RHPN2: variants seen among roughly 807,000 people sequenced by gnomAD.
RHPN2 encodes rhophilin Rho GTPase binding protein 2, also known as rhophilin-2.
A neutral mutation model predicts 79.0 loss-of-function variants in RHPN2; 40 were observed. That is an observed-to-expected ratio of 0.51 (90% CI 0.39 to 0.66). The LOEUF is 0.66. Ranked by LOEUF, RHPN2 falls within the 30% of genes least tolerant of loss-of-function variation. The pLI is 0.00. For synonymous variants in RHPN2, 285 were observed against 363.5 expected, an observed-to-expected ratio of 0.78 and a Z score of 2.46; for missense variants, 686 against 883.5, an observed-to-expected ratio of 0.78 and a Z score of 2.83.
rs1328250188 is a variant in RHPN2 at position 32,980,164 on chromosome 19, G to T, written c.1893C>A (p.Thr631=). 3.7e-6 allele frequency: 6 copies of T among 1,613,902 alleles called. No individual in the cohort carries two copies. The highest frequency in any genetic ancestry group is 2.2e-5 in the East Asian group (1 of 44,886). Residue 631 remains threonine (T), a synonymous_variant, in exon 15 of 15, where the codon ACC becomes ACA. Coordinates refer to ENST00000254260, the MANE Select transcript of RHPN2 (RefSeq NM_033103.5). ...AIDDDDKTDK[T]KKISKKLSFL... ...AGGAAAGCTTCTTGGAGATTTTCTT[G>T]GTTTTATCAGTTTTGTCGTCATCAT...
chr19:33,046,071 A>C (rs1972140301), intron 1 of RHPN2, among the ~76,000 whole-genome samples: 1 of 150,248 alleles, frequency 6.7e-6, no homozygotes, highest in Non-Finnish European at 1.5e-5. Flanking sequence ...ACATAGATAC[A>C]CCACACTTGT....
chr19:33,058,220 A>G (rs1320179244), intron 1 of RHPN2, among the ~76,000 whole-genome samples: 2 of 152,164 alleles, frequency 1.3e-5, no homozygotes, highest in Non-Finnish European at 2.9e-5. Context: ...CATCCCAACA[A>G]AGCACCAATT....
chr19:33,063,295 A>G (rs1308660766), intron 1 of RHPN2, among the ~76,000 whole-genome samples: 1 of 152,006 alleles, frequency 6.6e-6, no homozygotes, highest in Non-Finnish European at 1.5e-5. Flanking sequence ...TGCTAAAAGC[A>G]ACTTCACAAA....
At chr19:33,042,407 A>G (rs983893391) in intron 2 of RHPN2, among the ~76,000 whole-genome samples, 1 of 152,130 alleles carries the variant, frequency 6.6e-6, no homozygotes, top group Non-Finnish European at 1.5e-5. Flanking sequence ...CTCACGTCAC[A>G]CAGATGACAT....
At chr19:33,002,205 G>A in intron 9 of RHPN2, 42 bp downstream of exon 9, 1 of 1,603,410 alleles carries the variant, frequency 6.2e-7, no homozygotes. Context: ...GGGGCAGCTG[G>A]ACCACAGCCC....
intron 7 of RHPN2, among the ~76,000 whole-genome samples, chr19:33,006,678 G>C (rs1251368030): frequency 2.0e-5 from 3 of 152,170 alleles, no homozygotes; most frequent in Non-Finnish European, 4.4e-5. Context: ...CCCTGCTATG[G>C]GGGAGCAAGG....
rs962706952 is a variant in RHPN2 at position 32,991,879 on chromosome 19, A to T, written c.1588T>A (p.Leu530Met). The change falls in exon 13 of 15, where the codon TTG (leucine) becomes ATG (methionine). Residue 530 changes from leucine (L) to methionine (M), a missense_variant. Coordinates refer to ENST00000254260, the MANE Select transcript of RHPN2 (RefSeq NM_033103.5). Reference protein sequence around the residue: ...TAEEGDLGFTLRGNAPVQVHF... With the variant: ...TAEEGDLGFTMRGNAPVQVHF... ...ACCTGAACGGGGGCGTTCCCTCTCA[A>T]GGTGAACCCCAAGTCCCCTTCTTCT... 6.2e-7 allele frequency: 1 copy of T among 1,613,870 alleles called. No individual in the cohort carries two copies. Among genetic ancestry groups the T allele is most frequent in the Non-Finnish European group, 8.5e-7 (1 of 1,179,878 alleles).
chr19:33,029,315 AGG>A, intron 2 of RHPN2, among the ~76,000 whole-genome samples: 2 of 151,966 alleles, frequency 1.3e-5, no homozygotes. Flanking sequence ...TCACGAGGTC[AGG>A]AGATCGAGAC....
intron 11 of RHPN2, among the ~76,000 whole-genome samples, chr19:32,994,257 A>G (rs1041604800): frequency 6.6e-6 from 1 of 151,906 alleles, no homozygotes; most frequent in East Asian, 1.9e-4. Flanking sequence ...TTAGCCAGGT[A>G]TGGTGGCAGG....
At chr19:33,064,437 G>C (rs546374872) in intron 1 of RHPN2, among the ~76,000 whole-genome samples, 1 of 152,064 alleles carries the variant, frequency 6.6e-6, no homozygotes, top group African/African-American at 2.4e-5. Flanking sequence ...AGCCAGGAAC[G>C]GGTCCTTTCC....
intron 4 of RHPN2, among the ~76,000 whole-genome samples, chr19:33,021,008 T>C (rs1315434802): frequency 6.6e-6 from 1 of 152,228 alleles, no homozygotes; most frequent in Non-Finnish European, 1.5e-5. Flanking sequence ...GAAAAAACTT[T>C]AGCTATTCTT....
At chr19:32,996,499 C>T in intron 10 of RHPN2, 2 of 487,826 alleles carry the variant, frequency 4.1e-6, no homozygotes, top group Non-Finnish European at 7.6e-6. Context: ...GGAATGCAAA[C>T]TGCTGATAAG....
intron 14 of RHPN2, among the ~76,000 whole-genome samples, chr19:32,986,528 G>A (rs1346840050): frequency 1.3e-5 from 2 of 152,106 alleles, no homozygotes; most frequent in East Asian, 1.9e-4. Context: ...GGGTGAGGTG[G>A]CTCACGCCTG....
In RHPN2 at chr19:33,026,493, C is replaced by T. The variant is rs751198200; in HGVS notation, c.314+11G>A. ...TCAGAGGCTTTTGGAAGGTGTGCTG[C>T]TCCCACTTACTCTGTGTTCTGATAG... On this transcript the variant is annotated intron_variant, in intron 3 of 14. Coordinates refer to ENST00000254260, the MANE Select transcript of RHPN2 (RefSeq NM_033103.5). 2 of 1,607,368 alleles carry T rather than the reference C, an allele frequency of 1.2e-6. No homozygotes were observed. Among genetic ancestry groups the T allele is most frequent in the East Asian group, 4.5e-5 (2 of 44,790 alleles).
intron 7 of RHPN2, 77 bp downstream of exon 7, chr19:33,007,929 CCTGTAGAT>C (rs1971805809): frequency 6.9e-7 from 1 of 1,452,146 alleles, no homozygotes; most frequent in South Asian, 1.2e-5. Flanking sequence ...CGAGGGATGA[CCTGTAGAT>C]TCTCTTCAGT....
At chr19:33,006,193 T>A (rs531459967) in intron 7 of RHPN2, among the ~76,000 whole-genome samples, 40 of 149,434 alleles carry the variant, frequency 2.7e-4, no homozygotes, top group East Asian at 5.9e-4. Context: ...TTCATTAATT[T>A]AAAAAAAAAA....
chr19:33,027,923 C>T (rs1215113732), intron 2 of RHPN2, among the ~76,000 whole-genome samples: 1 of 152,170 alleles, frequency 6.6e-6, no homozygotes, highest in Non-Finnish European at 1.5e-5. Context: ...TGAATGACTG[C>T]TTTCCTCTTC....
At chr19:33,011,562 T>G (rs1414658648) in intron 6 of RHPN2, 117 bp downstream of exon 6, 5 of 1,226,982 alleles carry the variant, frequency 4.1e-6, no homozygotes, top group Non-Finnish European at 4.8e-6. Flanking sequence ...AAATGCAAGA[T>G]AGGAAAGGGG....
chr19:33,021,735 G>A (rs936358572), intron 3 of RHPN2, 89 bp from the exon 4 acceptor site: 36 of 931,872 alleles, frequency 3.9e-5, no homozygotes, highest in Middle Eastern at 2.1e-4. Flanking sequence ...CCAAGCTCAG[G>A]TGTGTGCCCC....
Sources: allele counts gnomAD v4.1 joint callset (sites outside exome capture counted in the v4.1 genomes callset), GRCh38; gene constraint gnomAD v4.1.1; transcripts MANE v1.5; gene names NCBI Gene and HGNC (gene_info 2026-07-23, HGNC 2026-07-21).